Variants in AFAP1L1 observed in about 807,000 individuals in gnomAD.
AFAP1L1 encodes the protein actin filament associated protein 1 like 1.
A neutral mutation model predicts 99.8 loss-of-function variants in AFAP1L1; 77 were observed. The observed-to-expected ratio is 0.77, with a 90% CI of 0.64 to 0.93. The LOEUF is 0.93. Among genes scored for constraint, AFAP1L1 ranks in the 40% least tolerant of loss-of-function variants. AFAP1L1 has a pLI of 0.00. For synonymous variants in AFAP1L1, 373 were observed against 395.3 expected (o/e 0.94, Z 0.67); for missense variants, 893 against 996.8 (o/e 0.90, Z 1.40).
At chr5:149,294,534 G>A (rs1214168880) in intron 1 of AFAP1L1, among the ~76,000 whole-genome samples, 2 of 152,164 alleles carry the variant, frequency 1.3e-5, no homozygotes, top group Non-Finnish European at 2.9e-5. Context: ...TCTTACATCC[G>A]TGATGTATAT....
intron 1 of AFAP1L1, among the ~76,000 whole-genome samples, chr5:149,286,335 T>C (rs1755679000): frequency 6.6e-6 from 1 of 151,980 alleles, no homozygotes; most frequent in South Asian, 2.1e-4. Flanking sequence ...TACCAGGAGG[T>C]AGCAGTTGGA....
chr5:149,299,668 T>G, intron 2 of AFAP1L1, 31 bp downstream of exon 2: 1 of 1,613,460 alleles, frequency 6.2e-7, no homozygotes, highest in Non-Finnish European at 8.5e-7. Context: ...CTGGAGGAGC[T>G]CCACTTATGT....
At chr5:149,314,285 A>T (rs1756730256) in intron 9 of AFAP1L1, among the ~76,000 whole-genome samples, 1 of 151,966 alleles carries the variant, frequency 6.6e-6, no homozygotes, top group Non-Finnish European at 1.5e-5. Context: ...AGTGTGTGTG[A>T]GTGTGTGTGT....
At chr5:149,277,073 C>A (rs947739846) in intron 1 of AFAP1L1, among the ~76,000 whole-genome samples, 1 of 152,134 alleles carries the variant, frequency 6.6e-6, no homozygotes, top group African/African-American at 2.4e-5. Context: ...TGAATTTTTT[C>A]TGATTTTTTA....
chr5:149,289,889 G>A (rs1755798530), intron 1 of AFAP1L1, among the ~76,000 whole-genome samples: 1 of 152,212 alleles, frequency 6.6e-6, no homozygotes. Context: ...TCTCATTCTA[G>A]CATCCTCAGT....
chr5:149,316,327 AG>A, intron 11 of AFAP1L1, 24 bp downstream of exon 11: 1 of 1,607,804 alleles, frequency 6.2e-7, no homozygotes, highest in Non-Finnish European at 8.5e-7. Context: ...ACGGGGAGGA[AG>A]GGTGCTCAGG....
Position 149,316,288 on chromosome 5 carries a change from G to A in AFAP1L1, c.1252G>A (p.Glu418Lys), listed in dbSNP as rs1756795397. 6.2e-7 allele frequency: 1 copy of A among 1,613,882 alleles called. No homozygotes were observed. Residue 418 changes from glutamate to lysine, a missense_variant, in exon 11 of 19, where the codon GAG becomes AAG. Glu to Lys is a moderately conservative substitution (Grantham distance 56). Transcript: ENST00000296721. The part of the protein sequence containing the change: ...DDLQTSSTEE[E>K]VPCCGYLNVL... ...CCTGCAGACGTCCTCCACCGAGGAG[G>A]AGGTTCCCTGCTGTGGTGGGTCCAG...
In AFAP1L1 at chr5:149,338,156, C is replaced by T. The variant is rs574670302; in HGVS notation, c.2284-1851C>T. Among the ~76,000 whole-genome samples, 8 of 152,292 alleles carry T rather than the reference C, an allele frequency of 5.3e-5. No homozygotes were observed. The South Asian group carries it at 6.2e-4, about 12-fold the overall frequency. On this transcript the variant is annotated intron_variant, in intron 18 of 18. Transcript: ENST00000296721. ...CATTTTGTCTAGGATCACACCAGCA[C>T]GGACTTTTAAAATGCATGGCTTGGC...
At chr5:149,291,105 T>C (rs1755839954) in intron 1 of AFAP1L1, among the ~76,000 whole-genome samples, 1 of 152,030 alleles carries the variant, frequency 6.6e-6, no homozygotes, top group Non-Finnish European at 1.5e-5. Flanking sequence ...GAAGTCAGGA[T>C]TGAGTAGAGA....
At chr5:149,333,831 A>G (rs1343994915) in intron 17 of AFAP1L1, among the ~76,000 whole-genome samples, 1 of 152,126 alleles carries the variant, frequency 6.6e-6, no homozygotes, top group Non-Finnish European at 1.5e-5. Flanking sequence ...AGAGCAAAAA[A>G]CTGACCCTGG....
intron 15 of AFAP1L1, among the ~76,000 whole-genome samples, chr5:149,323,795 T>C (rs1431987250): frequency 6.6e-6 from 1 of 152,188 alleles, no homozygotes; most frequent in Non-Finnish European, 1.5e-5. Context: ...AACTTTGCAC[T>C]CTACTCTCAG....
At chr5:149,333,134 T>C (rs1757305837) in intron 17 of AFAP1L1, among the ~76,000 whole-genome samples, 1 of 152,220 alleles carries the variant, frequency 6.6e-6, no homozygotes, top group Non-Finnish European at 1.5e-5. Context: ...AAGGTGATCT[T>C]AGAAATGGCC....
intron 16 of AFAP1L1, 111 bp downstream of exon 16, chr5:149,329,941 G>T (rs1447030973): frequency 1.0e-6 from 1 of 980,288 alleles, no homozygotes; most frequent in South Asian, 2.9e-5. Context: ...AAGAGAAGTG[G>T]GCTTCTCCTC....
At chr5:149,294,297 T>A (rs535153967) in intron 1 of AFAP1L1, among the ~76,000 whole-genome samples, 1 of 152,302 alleles carries the variant, frequency 6.6e-6, no homozygotes, top group South Asian at 2.1e-4. Context: ...AGTCTTTTCT[T>A]ACTAAAAATC....
Position 149,340,137 on chromosome 5 carries a change from GT to G in AFAP1L1, c.*109del. The G allele has an allele frequency of 7.5e-7, 1 of 1,334,754 alleles. No individual in the cohort carries two copies. The highest frequency in any genetic ancestry group is 1.1e-6 in the Non-Finnish European group (1 of 948,474). The allele number at this position is 1,334,754 out of a possible 1,614,324, so 82.7% of individuals were successfully genotyped here. On this transcript the variant is annotated 3_prime_UTR_variant, in exon 19 of 19. Coordinates refer to ENST00000296721, the MANE Select transcript of AFAP1L1 (RefSeq NM_152406.4). The stretch of plus-strand genomic sequence containing the variant: ...AAGAGAAGACTAGGAAGTAGCCCTC[GT>G]TCTCCAGGGCACCCAAAATACCAGC...
At chr5:149,299,401 C>G in intron 1 of AFAP1L1, 108 bp from the exon 2 acceptor site, 1 of 1,466,044 alleles carries the variant, frequency 6.8e-7, no homozygotes, top group South Asian at 1.3e-5. Flanking sequence ...ACACCCGGAC[C>G]TGCCCTCTGA....
rs1756573310 is a variant in AFAP1L1, at chr5:149,310,068, C to T, written c.860C>T (p.Thr287Ile). The T allele has an allele frequency of 6.2e-7, 1 of 1,614,118 alleles. No individual in the cohort carries two copies. The highest frequency in any genetic ancestry group is 1.3e-5 in the African/African-American group (1 of 75,066). ...SRHKRHELRF[T>I]QGATEVLVLA... is the part of the protein sequence containing the mutation. ...CACAAGAGGCACGAGCTGCGTTTCA[C>T]CCAGGGGGCTACCGAGGTCTTGGTG... The change falls in exon 8 of 19, where the codon ACC becomes ATC. Residue 287 changes from threonine (T) to isoleucine (I), a missense_variant. Thr to Ile is a moderately conservative substitution (Grantham distance 89). Coordinates refer to ENST00000296721, the MANE Select transcript of AFAP1L1 (RefSeq NM_152406.4).
chr5:149,306,942 A>G (rs948058128), intron 6 of AFAP1L1, among the ~76,000 whole-genome samples: 1 of 152,154 alleles, frequency 6.6e-6, no homozygotes, highest in Non-Finnish European at 1.5e-5. Context: ...AAATCAGTAC[A>G]ACAAAGTGCA....
At position 149,338,319 on chromosome 5, in the gene AFAP1L1, G is replaced by A. The variant is rs564482904; in HGVS notation, c.2284-1688G>A. On this transcript the variant is annotated intron_variant, in intron 18 of 18. Coordinates refer to ENST00000296721, the MANE Select transcript of AFAP1L1 (RefSeq NM_152406.4). Reference sequence around the variant, plus strand: ...TACAAAAACTACAAAAAAATTAGCCGGGTGTGGTGGCACATGCCTATAGTC... The same window carrying A: ...TACAAAAACTACAAAAAAATTAGCCAGGTGTGGTGGCACATGCCTATAGTC... 1.2e-4 allele frequency among the ~76,000 whole-genome samples: 19 copies of A among 152,188 alleles called. No homozygotes were observed. The South Asian group carries it at 3.1e-3, about 25-fold the overall frequency.
Sources: gnomAD v4.1 joint callset for allele counts (sites outside exome capture counted in the v4.1 genomes callset) on GRCh38, gnomAD v4.1.1 for gene constraint, MANE v1.5 for transcripts, NCBI Gene and HGNC (gene_info 2026-07-23, HGNC 2026-07-21) for gene names.